BCAS4: variants seen among roughly 807,000 people sequenced by gnomAD.
The protein encoded by BCAS4 is breast carcinoma amplified sequence 4.
BCAS4 carries 9 observed loss-of-function variants against 15.7 expected under a neutral mutation model. The observed-to-expected ratio is 0.57, with a 90% CI of 0.34 to 1.00. The LOEUF (loss-of-function observed/expected upper bound fraction) is 1.00. Among genes scored for constraint, BCAS4 ranks in the 50% least tolerant of loss-of-function variants. BCAS4 has a pLI of 0.02. For missense variants in BCAS4, 225 were observed against 239.1 expected, an observed-to-expected ratio of 0.94 and a Z score of 0.39; for synonymous variants, 101 against 99.5, an observed-to-expected ratio of 1.02 and a Z score of -0.09.
chr20:50,855,626 G>A (rs1978714867), intron 4 of BCAS4, among the ~76,000 whole-genome samples: 1 of 151,874 alleles, frequency 6.6e-6, no homozygotes, highest in Non-Finnish European at 1.5e-5. Flanking sequence ...ACAGGTCTGA[G>A]TCTGTCTGCC....
At chr20:50,826,964 T>TAAAAAAAC (rs1005142673) in intron 2 of BCAS4, among the ~76,000 whole-genome samples, 1 of 150,696 alleles carries the variant, frequency 6.6e-6, no homozygotes, top group Non-Finnish European at 1.5e-5. Context: ...CAAGACCCTA[T>TAAAAAAAC]AAAAAAACAA....
chr20:50,862,930 C>T (rs923710852), intron 4 of BCAS4, among the ~76,000 whole-genome samples: 6 of 152,114 alleles, frequency 3.9e-5, no homozygotes, highest in Non-Finnish European at 8.8e-5. Context: ...ACTTCTACCT[C>T]CCGGGTTCTT....
intron 4 of BCAS4, among the ~76,000 whole-genome samples, chr20:50,863,248 CTTTTTTTTTTTT>C (rs1054175958): frequency 4.6e-5 from 4 of 86,096 alleles, no homozygotes; most frequent in East Asian, 3.3e-4. Context: ...CTAACTGGTG[CTTTTTTTTTTTT>C]TTTTTTTTTT....
At chr20:50,796,487 ATT>A (rs34988437) in intron 1 of BCAS4, among the ~76,000 whole-genome samples, 1 of 6,768 alleles carries the variant, frequency 1.5e-4, no homozygotes, top group African/African-American at 4.9e-4. Context: ...ATATATATAT[ATT>A]TTTTTTTTTT....
At chr20:50,835,245 A>ATT (rs1278646307) in intron 3 of BCAS4, among the ~76,000 whole-genome samples, 20,398 of 134,454 alleles carry the variant, frequency 0.15, 2,392 homozygotes, top group African/African-American at 0.32. Flanking sequence ...AACTACTATA[A>ATT]TTTTTTTTTT....
intron 4 of BCAS4, among the ~76,000 whole-genome samples, chr20:50,874,021 C>T (rs539189187): frequency 4.6e-5 from 7 of 152,148 alleles, no homozygotes; most frequent in Admixed American, 2.0e-4. Flanking sequence ...GGAGCCCAGA[C>T]GTGATTACCT....
At chr20:50,858,290 A>T (rs1978872168) in intron 4 of BCAS4, among the ~76,000 whole-genome samples, 1 of 152,200 alleles carries the variant, frequency 6.6e-6, no homozygotes, top group Admixed American at 6.5e-5. Context: ...TCTCTAGATT[A>T]CTTATAATAC....
intron 1 of BCAS4, among the ~76,000 whole-genome samples, chr20:50,795,778 A>G (rs2087848826): frequency 6.6e-6 from 1 of 152,266 alleles, no homozygotes; most frequent in Non-Finnish European, 1.5e-5. Flanking sequence ...AAAGCAGTAC[A>G]GGAGTATTTA....
At chr20:50,812,375 C>T (rs532326298) in intron 1 of BCAS4, among the ~76,000 whole-genome samples, 6 of 148,530 alleles carry the variant, frequency 4.0e-5, no homozygotes, top group African/African-American at 1.0e-4. Flanking sequence ...CGTTGTGATC[C>T]GCCCCCCCTT....
rs563979014 is a variant in BCAS4, at chr20:50,837,202, C to A, written c.265-4564C>A. On this transcript the variant is annotated intron_variant, in intron 3 of 4. Coordinates refer to ENST00000371608, the MANE Select transcript of BCAS4 (RefSeq NM_198799.4). Reference sequence around the variant, plus strand: ...TTCACACAGGTGGGCAGTGGTAGAACTGGGGTTTCAAAGTTTATGTTCCCC... The same window carrying A: ...TTCACACAGGTGGGCAGTGGTAGAAATGGGGTTTCAAAGTTTATGTTCCCC... 3.9e-5 allele frequency among the ~76,000 whole-genome samples: 6 copies of A among 152,330 alleles called. No homozygotes were observed. In the South Asian group the frequency reaches 1.0e-3, roughly 26 times the overall value.
At chr20:50,827,220 A>G (rs974553393) in intron 2 of BCAS4, among the ~76,000 whole-genome samples, 2 of 152,202 alleles carry the variant, frequency 1.3e-5, no homozygotes, top group Admixed American at 6.5e-5. Context: ...CTTGCTTTTC[A>G]TCACTTGTGC....
intron 1 of BCAS4, among the ~76,000 whole-genome samples, chr20:50,807,368 C>CT: frequency 6.8e-6 from 1 of 146,110 alleles, no homozygotes; most frequent in Non-Finnish European, 1.5e-5. Flanking sequence ...AATTTTTGTA[C>CT]TTTTTTGTAG....
chr20:50,871,789 C>G (rs918002591), intron 4 of BCAS4, among the ~76,000 whole-genome samples: 1 of 152,192 alleles, frequency 6.6e-6, no homozygotes, highest in Admixed American at 6.5e-5. Flanking sequence ...GAGAGCATCC[C>G]TGTCCCAGTA....
chr20:50,879,125 A>G (rs1291213417), downstream of BCAS4: 1 of 152,280 alleles, frequency 6.6e-6, no homozygotes, highest in South Asian at 2.1e-4. Flanking sequence ...GTCACTGTAG[A>G]TCATTCCCAT....
At chr20:50,806,044 C>T (rs1569017824) in intron 1 of BCAS4, among the ~76,000 whole-genome samples, 1 of 151,890 alleles carries the variant, frequency 6.6e-6, no homozygotes, top group East Asian at 1.9e-4. Context: ...GCACAGCCCA[C>T]TTCTCTTGTA....
intron 2 of BCAS4, among the ~76,000 whole-genome samples, chr20:50,819,454 C>T (rs1027607503): frequency 6.6e-6 from 1 of 152,114 alleles, no homozygotes; most frequent in African/African-American, 2.4e-5. Context: ...TGAGAAGCAC[C>T]GTGTCCGGAC....
At chr20:50,873,969 C>G (rs1014799779) in intron 4 of BCAS4, among the ~76,000 whole-genome samples, 11 of 152,200 alleles carry the variant, frequency 7.2e-5, no homozygotes, top group African/African-American at 2.4e-4. Context: ...TGGTTCCCTT[C>G]TGCAACAGGC....
At chr20:50,815,336 T>G (rs2088124521) in intron 1 of BCAS4, among the ~76,000 whole-genome samples, 1 of 152,166 alleles carries the variant, frequency 6.6e-6, no homozygotes, top group Non-Finnish European at 1.5e-5. Context: ...CCATGCAGGT[T>G]GTGTGTTCTT....
chr20:50,870,753 A>C (rs1408746559), intron 4 of BCAS4, among the ~76,000 whole-genome samples: 1 of 152,252 alleles, frequency 6.6e-6, no homozygotes, highest in Non-Finnish European at 1.5e-5. Flanking sequence ...CCCAGCACAC[A>C]TGCATTTGGC....
Sources: gnomAD v4.1 joint callset for allele counts (sites outside exome capture counted in the v4.1 genomes callset) on GRCh38, gnomAD v4.1.1 for gene constraint, MANE v1.5 for transcripts, NCBI Gene and HGNC (gene_info 2026-07-23, HGNC 2026-07-21) for gene names.